Variants in DLG2 observed in about 807,000 individuals in gnomAD.
DLG2 encodes the protein disks large homolog 2.
Under a neutral mutation model 132.5 loss-of-function variants are expected in DLG2, and 45 were observed. The observed-to-expected ratio is 0.34, with a 90% CI of 0.27 to 0.44. DLG2 has a LOEUF of 0.44. Among genes scored for constraint, DLG2 ranks in the 20% least tolerant of loss-of-function variants. DLG2 has a pLI of 1.00. For synonymous variants in DLG2, 424 were observed against 419.6 expected (o/e 1.01, Z -0.13); for missense variants, 1,045 against 1,196.9 (o/e 0.87, Z 1.87).
intron 17 of DLG2, among the ~76,000 whole-genome samples, chr11:83,816,223 C>T (rs988631421): frequency 2.6e-5 from 4 of 152,154 alleles, no homozygotes; most frequent in Non-Finnish European, 5.9e-5. Flanking sequence ...ACTACATTTC[C>T]GTAAATAGGC....
intron 3 of DLG2, among the ~76,000 whole-genome samples, chr11:85,483,840 A>G (rs1163385759): frequency 6.7e-6 from 1 of 150,076 alleles, no homozygotes; most frequent in Non-Finnish European, 1.5e-5. Context: ...GCTACTCAGG[A>G]GGCTGAGGCA....
At chr11:85,384,971 A>C (rs1156873620) in intron 3 of DLG2, among the ~76,000 whole-genome samples, 7 of 152,204 alleles carry the variant, frequency 4.6e-5, no homozygotes, top group Admixed American at 2.6e-4. Context: ...AAAAAATAAA[A>C]TTACATTCTT....
chr11:84,141,042 T>C (rs1161893929), intron 9 of DLG2, among the ~76,000 whole-genome samples: 1 of 152,136 alleles, frequency 6.6e-6, no homozygotes, highest in Non-Finnish European at 1.5e-5. Flanking sequence ...TGTTAAGATA[T>C]AAAAGAGCCA....
intron 3 of DLG2, among the ~76,000 whole-genome samples, chr11:85,460,429 G>A (rs2092569381): frequency 6.6e-6 from 1 of 152,152 alleles, no homozygotes; most frequent in Non-Finnish European, 1.5e-5. Context: ...GTGGGTCCCT[G>A]GGGACTCTCA....
Position 84,331,456 on chromosome 11 carries a change from A to T in DLG2, c.520-80165T>A, listed in dbSNP as rs1006492059. 6.1e-4 allele frequency among the ~76,000 whole-genome samples: 91 copies of T among 150,162 alleles called. 1 individual carries two copies. Among genetic ancestry groups the T allele is most frequent in the South Asian group, 1.3e-3 (6 of 4,786 alleles). ...TTACTTATCTCAAAAAAAAAAAAAAAAAAAATAAATAAATAAATAAAAGTA... is the reference window on the plus strand; with the variant it reads ...TTACTTATCTCAAAAAAAAAAAAAATAAAAATAAATAAATAAATAAAAGTA... On this transcript the variant is annotated intron_variant, in intron 7 of 27. Coordinates refer to ENST00000376104, the MANE Select transcript of DLG2 (RefSeq NM_001142699.3).
chr11:83,997,857 G>A (rs568551054), intron 11 of DLG2, among the ~76,000 whole-genome samples: 59 of 146,110 alleles, frequency 4.0e-4, no homozygotes, highest in African/African-American at 1.4e-3. Flanking sequence ...TGAGAATATT[G>A]AAGTACTTGC....
At chr11:84,354,269 C>A (rs773329636) in intron 7 of DLG2, among the ~76,000 whole-genome samples, 1 of 152,048 alleles carries the variant, frequency 6.6e-6, no homozygotes, top group African/African-American at 2.4e-5. Flanking sequence ...CTACTCAATG[C>A]ATTATAAGTA....
At chr11:83,587,803 G>A (rs1368559949) in intron 19 of DLG2, among the ~76,000 whole-genome samples, 2 of 152,208 alleles carry the variant, frequency 1.3e-5, no homozygotes, top group Non-Finnish European at 2.9e-5. Context: ...GCGAGCCGAA[G>A]CAGGGCGAGG....
chr11:83,733,795 G>A (rs1028184393), intron 18 of DLG2, among the ~76,000 whole-genome samples: 10 of 152,140 alleles, frequency 6.6e-5, no homozygotes, highest in African/African-American at 2.4e-4. Flanking sequence ...GATTTAGGAG[G>A]ATACACGTGC....
chr11:83,512,523 TTTTA>T (rs912947998), intron 21 of DLG2, among the ~76,000 whole-genome samples: 34 of 152,166 alleles, frequency 2.2e-4, no homozygotes, highest in East Asian at 5.8e-4. Flanking sequence ...TATTGCATCA[TTTTA>T]TTTATTTATT....
At chr11:84,350,361 C>T (rs1235787545) in intron 7 of DLG2, among the ~76,000 whole-genome samples, 2 of 152,122 alleles carry the variant, frequency 1.3e-5, no homozygotes, top group Non-Finnish European at 2.9e-5. Flanking sequence ...TATTTTATCA[C>T]ATATGCAAAG....
intron 6 of DLG2, among the ~76,000 whole-genome samples, chr11:84,710,422 A>C (rs1213148481): frequency 6.6e-6 from 1 of 152,018 alleles, no homozygotes; most frequent in Admixed American, 6.6e-5. Flanking sequence ...CCAAACCATA[A>C]TGAGGATACT....
chr11:83,784,834 C>T (rs1439431798), intron 18 of DLG2, among the ~76,000 whole-genome samples: 1 of 152,042 alleles, frequency 6.6e-6, no homozygotes, highest in Admixed American at 6.5e-5. Flanking sequence ...ACCATCTTAT[C>T]GTCTGCAGAA....
chr11:85,339,067 AT>A (rs1200091250), intron 3 of DLG2, among the ~76,000 whole-genome samples: 10 of 152,226 alleles, frequency 6.6e-5, no homozygotes, highest in African/African-American at 1.9e-4. Flanking sequence ...ACATCTGTGT[AT>A]TTTTTAGATC....
chr11:84,866,137 A>G (rs2084524094), intron 6 of DLG2, among the ~76,000 whole-genome samples: 1 of 152,318 alleles, frequency 6.6e-6, no homozygotes, highest in South Asian at 2.1e-4. Context: ...TCAAATTTCA[A>G]TCAATTACAT....
intron 7 of DLG2, among the ~76,000 whole-genome samples, chr11:84,353,533 T>C (rs1340478784): frequency 6.6e-6 from 1 of 152,190 alleles, no homozygotes; most frequent in Non-Finnish European, 1.5e-5. Context: ...TCTAATGAGA[T>C]TACCTTAAAT....
intron 4 of DLG2, among the ~76,000 whole-genome samples, chr11:85,231,371 G>T (rs2075291272): frequency 6.6e-6 from 1 of 151,874 alleles, no homozygotes; most frequent in African/African-American, 2.4e-5. Flanking sequence ...ATCAAGTATT[G>T]TACTTTTAAG....
chr11:84,733,635 A>T (rs2063450291), intron 6 of DLG2, among the ~76,000 whole-genome samples: 1 of 152,090 alleles, frequency 6.6e-6, no homozygotes, highest in South Asian at 2.1e-4. Context: ...GAAGCTCTTT[A>T]GTTTAATTAA....
chr11:85,169,971 T>C (rs1424989521), intron 4 of DLG2, among the ~76,000 whole-genome samples: 1 of 152,148 alleles, frequency 6.6e-6, no homozygotes, highest in Non-Finnish European at 1.5e-5. Context: ...CATACATGTA[T>C]CTTATTTGTC....
Sources: gnomAD v4.1 joint callset for allele counts (sites outside exome capture counted in the v4.1 genomes callset) on GRCh38, gnomAD v4.1.1 for gene constraint, MANE v1.5 for transcripts, NCBI Gene and HGNC (gene_info 2026-07-23, HGNC 2026-07-21) for gene names.